Variants in MAGI1 observed in about 807,000 individuals in gnomAD.
MAGI1 encodes membrane-associated guanylate kinase, WW and PDZ domain-containing protein 1.
Under a neutral mutation model 139.9 loss-of-function variants are expected in MAGI1, and 58 were observed. The observed-to-expected ratio is 0.41, with a 90% CI of 0.34 to 0.52. The LOEUF (loss-of-function observed/expected upper bound fraction) is 0.52, where lower values mean the gene tolerates loss of function less well. MAGI1 is among the 20% of genes least tolerant of loss of function. MAGI1 has a pLI of 0.12. For synonymous variants in MAGI1, 812 were observed against 737.9 expected, an observed-to-expected ratio of 1.10 and a Z score of -1.63; for missense variants, 1,874 against 1,901.6, an observed-to-expected ratio of 0.99 and a Z score of 0.27.
chr3:66,020,317 A>G (rs2107547288), intron 1 of MAGI1, among the ~76,000 whole-genome samples: 1 of 152,262 alleles, frequency 6.6e-6, no homozygotes, highest in Middle Eastern at 3.4e-3. Context: ...CACGCCTACA[A>G]TCCCAGCTAC....
chr3:65,619,064 T>C (rs2107027927), intron 2 of MAGI1, among the ~76,000 whole-genome samples: 1 of 152,312 alleles, frequency 6.6e-6, no homozygotes, highest in South Asian at 2.1e-4. Context: ...TGGAGAATAA[T>C]AATAACTGTA....
At position 65,478,803 on chromosome 3, in the gene MAGI1, G is replaced by T. The variant is rs199714096; in HGVS notation, c.551-5C>A. 6.2e-7 allele frequency: 1 copy of T among 1,603,868 alleles called. No homozygotes were observed. The highest frequency in any genetic ancestry group is 8.5e-7 in the Non-Finnish European group (1 of 1,171,034). Reference sequence around the variant, plus strand: ...TGGGTGTCCCATAATAGTTTCCTAGGTGATGGAGAGACACATTTGCATGTT... The same window carrying T: ...TGGGTGTCCCATAATAGTTTCCTAGTTGATGGAGAGACACATTTGCATGTT... On this transcript the variant is annotated splice_region_variant and splice_polypyrimidine_tract_variant and intron_variant, in intron 3 of 22. Transcript: ENST00000402939.
intron 1 of MAGI1, among the ~76,000 whole-genome samples, chr3:65,748,926 G>C (rs985498863): frequency 6.6e-6 from 1 of 152,124 alleles, no homozygotes; most frequent in Non-Finnish European, 1.5e-5. Flanking sequence ...CCTGGGAAGG[G>C]GGATAACATT....
At position 66,038,360 on chromosome 3, in the gene MAGI1, C is replaced by T. The variant is rs746810590; in HGVS notation, c.-52G>A. ...AATAAAACGAGAGACAGGTGCCCCCCACAGCACGAGCCCCCAAGCCTCCGC... is the reference window on the plus strand; with the variant it reads ...AATAAAACGAGAGACAGGTGCCCCCTACAGCACGAGCCCCCAAGCCTCCGC... On this transcript the variant is annotated 5_prime_UTR_variant, in exon 1 of 23. Transcript: ENST00000402939. 1 of 1,506,814 alleles carries T rather than the reference C, an allele frequency of 6.6e-7. No homozygotes were observed. Among genetic ancestry groups the T allele is most frequent in the African/African-American group, 1.4e-5 (1 of 71,906 alleles). The allele number at this position is 1,506,814 out of a possible 1,614,324, so 93.3% of individuals were successfully genotyped here.
intron 1 of MAGI1, among the ~76,000 whole-genome samples, chr3:65,849,485 A>ATATATC (rs1491418139): frequency 1.4e-5 from 2 of 140,570 alleles, no homozygotes; most frequent in South Asian, 2.3e-4. Context: ...ATATATATAT[A>ATATATC]TCATCAAATA....
chr3:65,626,317 A>C (rs2083968867), intron 1 of MAGI1, among the ~76,000 whole-genome samples: 1 of 152,084 alleles, frequency 6.6e-6, no homozygotes, highest in Admixed American at 6.5e-5. Flanking sequence ...TAGATTGGAA[A>C]CCATTTTACT....
intron 1 of MAGI1, among the ~76,000 whole-genome samples, chr3:65,829,420 AAT>A (rs1446884072): frequency 6.6e-6 from 1 of 152,130 alleles, no homozygotes; most frequent in African/African-American, 2.4e-5. Context: ...CGCTCTCACG[AAT>A]ATGATTAGTG....
chr3:65,382,164 A>G (rs1451562969), intron 15 of MAGI1, 95 bp from the exon 16 acceptor site: 1 of 1,066,896 alleles, frequency 9.4e-7, no homozygotes, highest in Non-Finnish European at 1.4e-6. Context: ...TCATTCATTC[A>G]TGTCTGCAGG....
intron 1 of MAGI1, among the ~76,000 whole-genome samples, chr3:65,994,360 TGA>T (rs562698838): frequency 2.0e-5 from 3 of 150,214 alleles, no homozygotes; most frequent in African/African-American, 7.4e-5. Context: ...CAGCAAAGAG[TGA>T]GAGACTCAGT....
intron 1 of MAGI1, among the ~76,000 whole-genome samples, chr3:65,958,020 A>C (rs757468840): frequency 6.6e-6 from 1 of 152,024 alleles, no homozygotes; most frequent in Non-Finnish European, 1.5e-5. Context: ...CAGCCTCCCA[A>C]AGTGCTGGAA....
intron 2 of MAGI1, among the ~76,000 whole-genome samples, chr3:65,510,538 G>A (rs2107748487): frequency 6.7e-6 from 1 of 148,716 alleles, no homozygotes; most frequent in South Asian, 2.2e-4. Flanking sequence ...GCGATCAACT[G>A]GAAGAAAGGG....
At chr3:65,410,596 A>T (rs2107191780) in intron 12 of MAGI1, among the ~76,000 whole-genome samples, 1 of 152,352 alleles carries the variant, frequency 6.6e-6, no homozygotes, top group East Asian at 1.9e-4. Flanking sequence ...TGGACCTACC[A>T]CTGACAACTG....
chr3:65,397,227 GA>G, intron 13 of MAGI1, among the ~76,000 whole-genome samples: 1 of 152,314 alleles, frequency 6.6e-6, no homozygotes. Context: ...GTGAGTCTGA[GA>G]AAGAGGCAGG....
chr3:65,522,280 T>C (rs951626624), intron 2 of MAGI1, among the ~76,000 whole-genome samples: 3 of 152,230 alleles, frequency 2.0e-5, no homozygotes, highest in African/African-American at 7.2e-5. Context: ...GAATAAACTA[T>C]GCTGTGTTTA....
At chr3:65,816,369 T>G (rs185787084) in intron 1 of MAGI1, among the ~76,000 whole-genome samples, 6 of 152,302 alleles carry the variant, frequency 3.9e-5, no homozygotes, top group African/African-American at 1.4e-4. Context: ...CTACTGTGAC[T>G]AAGGAGATGA....
chr3:65,440,039 G>T (rs373697698), intron 8 of MAGI1, 27 bp from the exon 9 acceptor site: 2 of 1,612,790 alleles, frequency 1.2e-6, no homozygotes, highest in Non-Finnish European at 1.7e-6. Context: ...ATAGTATTCA[G>T]CTTGAAACAG....
At chr3:65,493,730 C>A in intron 2 of MAGI1, 99 bp from the exon 3 acceptor site, 4 of 1,392,534 alleles carry the variant, frequency 2.9e-6, no homozygotes, top group Non-Finnish European at 4.0e-6. Flanking sequence ...AGTAAGAGGG[C>A]GTACCTAAGA....
At chr3:66,012,352 T>A (rs765501798) in intron 1 of MAGI1, among the ~76,000 whole-genome samples, 1 of 152,102 alleles carries the variant, frequency 6.6e-6, no homozygotes, top group Non-Finnish European at 1.5e-5. Context: ...GCAGTAAACA[T>A]TCATTCCAAG....
intron 1 of MAGI1, among the ~76,000 whole-genome samples, chr3:65,775,733 G>A (rs551179147): frequency 6.6e-6 from 1 of 151,978 alleles, no homozygotes; most frequent in South Asian, 2.1e-4. Context: ...TTGAGCCCCA[G>A]GAGTTCAAGA....
Sources: allele counts gnomAD v4.1 joint callset (sites outside exome capture counted in the v4.1 genomes callset), GRCh38; gene constraint gnomAD v4.1.1; transcripts MANE v1.5; gene names NCBI Gene and HGNC (gene_info 2026-07-23, HGNC 2026-07-21).